Variants in LRRTM4 observed in about 807,000 individuals in gnomAD.
The protein encoded by LRRTM4 is leucine rich repeat transmembrane neuronal 4.
In LRRTM4, 25 loss-of-function variants were observed where a neutral mutation model predicts 47.6. The ratio of observed to expected loss-of-function variants is 0.53; its 90% CI spans 0.38 to 0.73. The LOEUF is 0.73. Ranked by LOEUF, LRRTM4 falls within the 30% of genes least tolerant of loss-of-function variation. The pLI, the probability that LRRTM4 is intolerant of heterozygous loss-of-function variation, is 0.00. For missense variants in LRRTM4, 638 were observed against 713.4 expected, an observed-to-expected ratio of 0.89 and a Z score of 1.20; for synonymous variants, 311 against 269.5, an observed-to-expected ratio of 1.15 and a Z score of -1.51.
chr2:77,155,024 C>T (rs1485280001), intron 3 of LRRTM4, among the ~76,000 whole-genome samples: 2 of 152,064 alleles, frequency 1.3e-5, no homozygotes, highest in Non-Finnish European at 1.5e-5. Context: ...ACATAATAGG[C>T]ACTCTAGGAA....
At chr2:76,942,676 CTGTGTGTGTGTGTG>C (rs61077287) in intron 3 of LRRTM4, among the ~76,000 whole-genome samples, 2 of 148,208 alleles carry the variant, frequency 1.3e-5, no homozygotes, top group Non-Finnish European at 3.0e-5. Context: ...CTCTAGGAAT[CTGTGTGTGTGTGTG>C]TGTGTGTGTG....
intron 3 of LRRTM4, among the ~76,000 whole-genome samples, chr2:76,903,766 G>A (rs1011942229): frequency 6.6e-6 from 1 of 152,032 alleles, no homozygotes; most frequent in Non-Finnish European, 1.5e-5. Flanking sequence ...CACTTTTACT[G>A]GGTTACAAAT....
chr2:77,144,222 CTTGGGAAGTG>C (rs1672197881), intron 3 of LRRTM4, among the ~76,000 whole-genome samples: 1 of 152,064 alleles, frequency 6.6e-6, no homozygotes, highest in African/African-American at 2.4e-5. Context: ...TATGGATCTT[CTTGGGAAGTG>C]CTGTGGCCTT....
At chr2:77,031,689 G>C (rs527528997) in intron 3 of LRRTM4, among the ~76,000 whole-genome samples, 1 of 152,014 alleles carries the variant, frequency 6.6e-6, no homozygotes, top group Non-Finnish European at 1.5e-5. Context: ...CCAAATGAAC[G>C]TCTCCAGTCA....
chr2:76,904,944 C>G (rs370349839), intron 3 of LRRTM4, among the ~76,000 whole-genome samples: 2 of 152,122 alleles, frequency 1.3e-5, no homozygotes, highest in East Asian at 3.9e-4. Context: ...GTGTGAGCGA[C>G]GCAGAAGATG....
At chr2:76,847,432 C>T (rs151126425) in intron 3 of LRRTM4, among the ~76,000 whole-genome samples, 76 of 152,092 alleles carry the variant, frequency 5.0e-4, no homozygotes, top group Non-Finnish European at 9.4e-4. Flanking sequence ...CAATGACTTT[C>T]CTATTTGTCA....
intron 3 of LRRTM4, among the ~76,000 whole-genome samples, chr2:77,055,835 A>C (rs1272077413): frequency 1.3e-5 from 2 of 151,878 alleles, no homozygotes; most frequent in African/African-American, 2.4e-5. Flanking sequence ...TGTGGCACAT[A>C]TACACCATGG....
intron 3 of LRRTM4, among the ~76,000 whole-genome samples, chr2:77,095,907 T>C (rs1558578083): frequency 6.6e-6 from 1 of 152,182 alleles, no homozygotes; most frequent in Non-Finnish European, 1.5e-5. Flanking sequence ...GTTTATCGGA[T>C]AGTACAAAGT....
At chr2:77,434,865 C>T (rs1353016604) in intron 3 of LRRTM4, among the ~76,000 whole-genome samples, 1 of 151,958 alleles carries the variant, frequency 6.6e-6, no homozygotes, top group African/African-American at 2.4e-5. Context: ...ATAACTATGA[C>T]CATAAAGATG....
At chr2:77,320,377 A>G (rs1189712350) in intron 3 of LRRTM4, among the ~76,000 whole-genome samples, 1 of 152,246 alleles carries the variant, frequency 6.6e-6, no homozygotes, top group African/African-American at 2.4e-5. Flanking sequence ...CCCACCTAAT[A>G]GACAATGGTA....
chr2:77,108,615 GCT>G (rs1381039547), intron 3 of LRRTM4, among the ~76,000 whole-genome samples: 1 of 137,176 alleles, frequency 7.3e-6, no homozygotes. Context: ...ACGGAGTCTC[GCT>G]CTGTCGCCCA....
intron 3 of LRRTM4, among the ~76,000 whole-genome samples, chr2:77,502,446 T>C (rs189687761): frequency 2.0e-5 from 3 of 151,632 alleles, no homozygotes; most frequent in East Asian, 3.9e-4. Flanking sequence ...CTTTGAACTT[T>C]AGTGATATAA....
intron 3 of LRRTM4, among the ~76,000 whole-genome samples, chr2:77,186,043 A>G (rs1673495824): frequency 6.6e-6 from 1 of 152,196 alleles, no homozygotes; most frequent in African/African-American, 2.4e-5. Flanking sequence ...TATATTTAAC[A>G]TAACAAAGCT....
chr2:76,877,100 G>A (rs1173001471), intron 3 of LRRTM4, among the ~76,000 whole-genome samples: 1 of 152,016 alleles, frequency 6.6e-6, no homozygotes, highest in East Asian at 1.9e-4. Flanking sequence ...ATAAATGCTA[G>A]CTCTTAAAAC....
intron 3 of LRRTM4, among the ~76,000 whole-genome samples, chr2:76,881,018 T>C (rs912046992): frequency 6.6e-6 from 1 of 152,182 alleles, no homozygotes; most frequent in African/African-American, 2.4e-5. Context: ...GATTAAATTC[T>C]AGTGTTCTAT....
At chr2:76,883,914 G>A (rs1453199026) in intron 3 of LRRTM4, among the ~76,000 whole-genome samples, 1 of 151,886 alleles carries the variant, frequency 6.6e-6, no homozygotes, top group African/African-American at 2.4e-5. Flanking sequence ...AAACTCATGG[G>A]TTCAAATGAT....
chr2:77,188,549 C>A (rs890064428), intron 3 of LRRTM4, among the ~76,000 whole-genome samples: 3 of 152,176 alleles, frequency 2.0e-5, no homozygotes, highest in African/African-American at 7.2e-5. Flanking sequence ...AGGCACCAGA[C>A]CCAAATATTC....
intron 3 of LRRTM4, among the ~76,000 whole-genome samples, chr2:76,978,982 A>G (rs376054953): frequency 6.6e-6 from 1 of 152,020 alleles, no homozygotes; most frequent in Admixed American, 6.6e-5. Flanking sequence ...AAATTCTCAC[A>G]TCTCCAGAGA....
intron 3 of LRRTM4, among the ~76,000 whole-genome samples, chr2:76,862,084 A>T (rs1308097096): frequency 4.6e-5 from 7 of 151,022 alleles, no homozygotes; most frequent in African/African-American, 1.7e-4. Context: ...TTTTTTTTTT[A>T]AATAAAGCAA....
Sources: gnomAD v4.1 joint callset for allele counts (sites outside exome capture counted in the v4.1 genomes callset) on GRCh38, gnomAD v4.1.1 for gene constraint, MANE v1.5 for transcripts, NCBI Gene and HGNC (gene_info 2026-07-23, HGNC 2026-07-21) for gene names.